The following NTRK2 variants were observed in gnomAD, a reference collection of about 807,000 sequenced individuals.
The protein encoded by NTRK2 is neurotrophic receptor tyrosine kinase 2, also known as BDNF/NT-3 growth factors receptor.
In NTRK2, 13 loss-of-function variants were observed where a neutral mutation model predicts 94.5. The ratio of observed to expected loss-of-function variants is 0.14; its 90% CI spans 0.09 to 0.22. The LOEUF is 0.22. NTRK2 is among the 10% of genes least tolerant of loss of function. The probability of loss-of-function intolerance (pLI) is 1.00; values close to 1 mark genes in which losing one functional copy is unlikely to be tolerated. For synonymous variants in NTRK2, 372 were observed against 407.4 expected, an observed-to-expected ratio of 0.91 and a Z score of 1.05; for missense variants, 639 against 1,071.2, an observed-to-expected ratio of 0.60 and a Z score of 5.63.
intron 12 of NTRK2, among the ~76,000 whole-genome samples, chr9:84,837,796 TAGA>T (rs2073961403): frequency 6.6e-6 from 1 of 152,200 alleles, no homozygotes; most frequent in Non-Finnish European, 1.5e-5. Context: ...AGACTAAGAA[TAGA>T]AGAATGCTTC....
intron 12 of NTRK2, among the ~76,000 whole-genome samples, chr9:84,857,450 T>C (rs1431919019): frequency 6.6e-6 from 1 of 152,336 alleles, no homozygotes; most frequent in East Asian, 1.9e-4. Flanking sequence ...AGAAATTGTT[T>C]CTTTTTGGCC....
At chr9:84,715,569 A>G (rs1480525343) in intron 6 of NTRK2, among the ~76,000 whole-genome samples, 2 of 152,216 alleles carry the variant, frequency 1.3e-5, no homozygotes, top group Non-Finnish European at 2.9e-5. Flanking sequence ...TGTTAATTGC[A>G]AGGCAAGAGA....
At chr9:84,872,413 T>G (rs199567543) in intron 14 of NTRK2, 136 of 1,079,560 alleles carry the variant, frequency 1.3e-4, no homozygotes, top group Non-Finnish European at 1.5e-4. Flanking sequence ...ACACTATAGA[T>G]GTCCTCCCTA....
chr9:84,919,519 C>T (rs972364570), intron 14 of NTRK2, among the ~76,000 whole-genome samples: 15 of 152,174 alleles, frequency 9.9e-5, no homozygotes, highest in Non-Finnish European at 2.1e-4. Context: ...GGGCCCTTGA[C>T]CTCTTTAAGC....
At chr9:85,004,570 C>T (rs914791252) in intron 17 of NTRK2, among the ~76,000 whole-genome samples, 8 of 152,020 alleles carry the variant, frequency 5.3e-5, no homozygotes, top group African/African-American at 1.7e-4. Context: ...AAACGAAGTG[C>T]GATTGTAGAG....
intron 17 of NTRK2, among the ~76,000 whole-genome samples, chr9:85,007,201 T>C (rs530913286): frequency 6.6e-6 from 1 of 152,210 alleles, no homozygotes; most frequent in Admixed American, 6.5e-5. Context: ...TTTTGGTGCC[T>C]AAGAACATGG....
intron 2 of NTRK2, among the ~76,000 whole-genome samples, chr9:84,692,758 C>T (rs1018872498): frequency 1.3e-5 from 2 of 152,078 alleles, no homozygotes; most frequent in East Asian, 1.9e-4. Flanking sequence ...TGAGCCACCG[C>T]GCCCAGGGTT....
chr9:84,876,084 A>G, intron 14 of NTRK2: 1 of 1,031,522 alleles, frequency 9.7e-7, no homozygotes, highest in Non-Finnish European at 1.2e-6. Flanking sequence ...TGCTGTTACT[A>G]TTAATTAACA....
intron 17 of NTRK2, among the ~76,000 whole-genome samples, chr9:85,012,913 C>T (rs1018613981): frequency 9.9e-5 from 15 of 152,136 alleles, no homozygotes; most frequent in African/African-American, 2.7e-4. Context: ...CATTAAGGTC[C>T]AGCACATCTT....
At chr9:84,755,996 C>T (rs1044023758) in intron 12 of NTRK2, among the ~76,000 whole-genome samples, 1 of 151,962 alleles carries the variant, frequency 6.6e-6, no homozygotes, top group Non-Finnish European at 1.5e-5. Flanking sequence ...ATGTAGCTAC[C>T]ATAATTGCAG....
intron 12 of NTRK2, among the ~76,000 whole-genome samples, chr9:84,769,910 G>T (rs1259207747): frequency 6.6e-6 from 1 of 151,814 alleles, no homozygotes; most frequent in Non-Finnish European, 1.5e-5. Context: ...ATTTGGTGAT[G>T]AGCAAACTCC....
At chr9:84,764,808 T>C (rs1052813626) in intron 12 of NTRK2, among the ~76,000 whole-genome samples, 3 of 152,166 alleles carry the variant, frequency 2.0e-5, no homozygotes, top group Non-Finnish European at 2.9e-5. Context: ...TGAAAGCAAC[T>C]TGTGTCCATC....
intron 9 of NTRK2, among the ~76,000 whole-genome samples, chr9:84,728,218 G>A (rs368378160): frequency 1.0e-3 from 154 of 152,232 alleles, no homozygotes; most frequent in African/African-American, 3.4e-3. Context: ...CAACTGCAAC[G>A]ATGTGAGGCT....
chr9:84,816,778 C>CAAAAAAAAAA (rs61094948), intron 12 of NTRK2, among the ~76,000 whole-genome samples: 2 of 82,648 alleles, frequency 2.4e-5, no homozygotes, highest in Non-Finnish European at 4.6e-5. Context: ...GACTCCATCT[C>CAAAAAAAAAA]AAAAAAAAAA....
chr9:84,968,393 C>A (rs1406469750), intron 17 of NTRK2, among the ~76,000 whole-genome samples: 1 of 152,192 alleles, frequency 6.6e-6, no homozygotes, highest in South Asian at 2.1e-4. Context: ...CTGTGCAGAG[C>A]AAAGTTCTAA....
At position 84,872,045 on chromosome 9, in the gene NTRK2, A is replaced by G. The variant is rs200554869; in HGVS notation, c.1633+4614A>G. On this transcript the variant is annotated intron_variant, in intron 14 of 18. Coordinates refer to ENST00000277120, the MANE Select transcript of NTRK2 (RefSeq NM_006180.6). Reference sequence around the variant, plus strand: ...CTCAAAGTACTATGCCACTTTAACTATAGACCCATCTCCTCGATCAATCAG... The same window carrying G: ...CTCAAAGTACTATGCCACTTTAACTGTAGACCCATCTCCTCGATCAATCAG... 8.4e-6 allele frequency: 12 copies of G among 1,420,464 alleles called. No individual in the cohort carries two copies. The East Asian group carries it at 1.6e-4, about 19-fold the overall frequency. The allele number at this position is 1,420,464 out of a possible 1,614,324, so 88.0% of individuals were successfully genotyped here.
At chr9:84,755,096 G>A (rs2064966807) in intron 12 of NTRK2, among the ~76,000 whole-genome samples, 1 of 152,178 alleles carries the variant, frequency 6.6e-6, no homozygotes, top group African/African-American at 2.4e-5. Context: ...TTGCTCCCAT[G>A]GGGAGGTGAT....
chr9:84,964,101 C>A (rs1055264191), intron 17 of NTRK2, among the ~76,000 whole-genome samples: 1 of 152,126 alleles, frequency 6.6e-6, no homozygotes, highest in Admixed American at 6.5e-5. Context: ...GTCATATTTT[C>A]TGCTCCTTTG....
intron 14 of NTRK2, chr9:84,877,645 C>T (rs1357986927): frequency 9.4e-7 from 1 of 1,064,738 alleles, no homozygotes; most frequent in East Asian, 5.0e-5. Context: ...CTGTTGATTG[C>T]TAAATGTTGC....
Sources: gnomAD v4.1 joint callset for allele counts (sites outside exome capture counted in the v4.1 genomes callset) on GRCh38, gnomAD v4.1.1 for gene constraint, MANE v1.5 for transcripts, NCBI Gene and HGNC (gene_info 2026-07-23, HGNC 2026-07-21) for gene names.